Variants in ACYP2 observed in about 807,000 individuals in gnomAD.
ACYP2 encodes the protein acylphosphatase-2.
ACYP2 carries 12 observed loss-of-function variants against 11.2 expected under a neutral mutation model. The observed-to-expected ratio is 1.08, with a 90% CI of 0.69 to 1.74. The LOEUF is 1.74. ACYP2 is among the 40% of genes most tolerant of loss of function. ACYP2 has a pLI of 0.00. For missense variants in ACYP2, 134 were observed against 101.9 expected (o/e 1.31, Z -1.35); for synonymous variants, 43 against 32.2 (o/e 1.33, Z -1.13).
At chr2:54,006,871 T>C (rs931678875) in intron 2 of ACYP2, among the ~76,000 whole-genome samples, 7 of 151,986 alleles carry the variant, frequency 4.6e-5, no homozygotes, top group Admixed American at 2.0e-4. Context: ...ACACCTGTAA[T>C]CCCATCACTT....
intron 2 of ACYP2, among the ~76,000 whole-genome samples, chr2:54,036,242 A>G (rs890017438): frequency 6.6e-6 from 1 of 152,120 alleles, no homozygotes; most frequent in Non-Finnish European, 1.5e-5. Flanking sequence ...TTACAGCAGT[A>G]TGCCACCACA....
At chr2:54,116,009 C>T (rs1450269819) in intron 4 of ACYP2, among the ~76,000 whole-genome samples, 1 of 151,920 alleles carries the variant, frequency 6.6e-6, no homozygotes, top group Non-Finnish European at 1.5e-5. Flanking sequence ...TGCTGAGGAC[C>T]AGAAGTGGGC....
At chr2:54,101,400 G>T (rs1678884350) in intron 4 of ACYP2, among the ~76,000 whole-genome samples, 1 of 152,104 alleles carries the variant, frequency 6.6e-6, no homozygotes, top group South Asian at 2.1e-4. Context: ...GCCGGGCGCG[G>T]TGGCTCACGC....
intron 2 of ACYP2, among the ~76,000 whole-genome samples, chr2:53,990,612 G>A (rs1253674235): frequency 7.1e-6 from 1 of 141,026 alleles, no homozygotes; most frequent in Non-Finnish European, 1.5e-5. Flanking sequence ...TGGCACCATT[G>A]CACTCCAGCC....
intron 2 of ACYP2, among the ~76,000 whole-genome samples, chr2:54,027,283 T>A (rs1032355296): frequency 2.0e-5 from 3 of 152,160 alleles, no homozygotes; most frequent in Non-Finnish European, 2.9e-5. Context: ...ACCCTTTTTC[T>A]CCTCTGAAGC....
At chr2:54,205,634 C>T (rs1046482331) in intron 6 of ACYP2, among the ~76,000 whole-genome samples, 2 of 152,154 alleles carry the variant, frequency 1.3e-5, no homozygotes, top group African/African-American at 4.8e-5. Context: ...CTTCAAAATT[C>T]TTTCTATAGT....
At chr2:54,197,464 A>C (rs1399513) in intron 6 of ACYP2, among the ~76,000 whole-genome samples, 33,784 of 152,128 alleles carry the variant, frequency 0.22, 4,114 homozygotes, top group East Asian at 0.39. Context: ...TGAGGAGCTT[A>C]TAGTCTTGAG....
intron 2 of ACYP2, among the ~76,000 whole-genome samples, chr2:54,035,530 G>T (rs1473025669): frequency 2.0e-5 from 3 of 152,064 alleles, no homozygotes; most frequent in Non-Finnish European, 2.9e-5. Context: ...CTCCCAAAGT[G>T]CTGGAATTAC....
intron 6 of ACYP2, among the ~76,000 whole-genome samples, chr2:54,208,705 C>CTT (rs58189502): frequency 0.36 from 33,861 of 94,362 alleles, 4,101 homozygotes; most frequent in East Asian, 0.53. Context: ...AAAAGGGAGA[C>CTT]TTTTTTTTTT....
In ACYP2 at chr2:54,268,739, G is replaced by A. The variant is rs184030029; in HGVS notation, c.405-35949G>A. Among the ~76,000 whole-genome samples, 140 of 152,212 alleles carry A rather than the reference G, an allele frequency of 9.2e-4. 1 individual carries two copies. The highest frequency in any genetic ancestry group is 1.6e-3 in the Non-Finnish European group (108 of 68,010). On this transcript the variant is annotated intron_variant, in intron 6 of 6. Transcript: ENST00000607452. ...GTGGGAGGATGCTTGAGCCCAGGAG[G>A]TTAAGGCTGCAGTGAGCCGTGTTGG...
chr2:54,237,874 A>G (rs964041678), intron 6 of ACYP2, among the ~76,000 whole-genome samples: 7 of 151,948 alleles, frequency 4.6e-5, no homozygotes, highest in Admixed American at 2.6e-4. Flanking sequence ...CCTTCTATCT[A>G]TCTAACTTTC....
At chr2:54,106,172 G>A (rs1036184706) in intron 4 of ACYP2, among the ~76,000 whole-genome samples, 9 of 152,242 alleles carry the variant, frequency 5.9e-5, no homozygotes, top group African/African-American at 2.2e-4. Context: ...TTTCAGTGCT[G>A]AATTATTGAC....
intron 2 of ACYP2, among the ~76,000 whole-genome samples, chr2:54,010,069 G>T (rs916937327): frequency 6.6e-6 from 1 of 152,112 alleles, no homozygotes; most frequent in Non-Finnish European, 1.5e-5. Flanking sequence ...AAAACAAGAG[G>T]TTATGGGTAG....
intron 4 of ACYP2, among the ~76,000 whole-genome samples, chr2:54,093,041 G>T (rs531640079): frequency 8.3e-4 from 127 of 152,156 alleles, no homozygotes; most frequent in Non-Finnish European, 1.5e-3. Context: ...GGCTTCTATT[G>T]TCGACTGCAC....
At chr2:54,191,592 T>C (rs1486328318) in intron 6 of ACYP2, among the ~76,000 whole-genome samples, 1 of 151,852 alleles carries the variant, frequency 6.6e-6, no homozygotes, top group Non-Finnish European at 1.5e-5. Flanking sequence ...AATGTACCTA[T>C]ATACAGTCCT....
intron 6 of ACYP2, among the ~76,000 whole-genome samples, chr2:54,199,877 G>A (rs1394866138): frequency 1.3e-5 from 2 of 152,146 alleles, no homozygotes; most frequent in Non-Finnish European, 2.9e-5. Flanking sequence ...CCTGGTGATC[G>A]TTGCAATGGT....
intron 6 of ACYP2, among the ~76,000 whole-genome samples, chr2:54,197,750 C>T (rs1178000845): frequency 1.3e-5 from 2 of 152,032 alleles, no homozygotes; most frequent in Admixed American, 6.6e-5. Context: ...GGGTGGAAGG[C>T]TGAGAGGAAG....
intron 2 of ACYP2, among the ~76,000 whole-genome samples, chr2:53,996,689 G>C (rs1289025097): frequency 1.3e-5 from 2 of 152,078 alleles, no homozygotes; most frequent in Non-Finnish European, 2.9e-5. Flanking sequence ...CAGCTAAAAG[G>C]AGATCCAAGC....
chr2:54,177,969 A>G (rs1377660903), intron 6 of ACYP2, among the ~76,000 whole-genome samples: 1 of 143,204 alleles, frequency 7.0e-6, no homozygotes, highest in East Asian at 2.0e-4. Flanking sequence ...CAGTGGCGCC[A>G]TCTCGGCTCA....
Sources: gnomAD v4.1 joint callset for allele counts (sites outside exome capture counted in the v4.1 genomes callset) on GRCh38, gnomAD v4.1.1 for gene constraint, MANE v1.5 for transcripts, NCBI Gene and HGNC (gene_info 2026-07-23, HGNC 2026-07-21) for gene names.